Variants in FGGY observed in about 807,000 individuals in gnomAD.
The protein encoded by FGGY is FGGY carbohydrate kinase domain containing, also known as FGGY carbohydrate kinase domain-containing protein.
FGGY carries 72 observed loss-of-function variants against 71.3 expected under a neutral mutation model. The ratio of observed to expected loss-of-function variants is 1.01; its 90% CI spans 0.84 to 1.23. The LOEUF is 1.23. FGGY is among the 50% of genes most tolerant of loss of function. The pLI is 0.00. For missense variants in FGGY, 668 were observed against 682.3 expected (o/e 0.98, Z 0.23); for synonymous variants, 251 against 250.3 (o/e 1.00, Z -0.02).
chr1:59,560,529 G>A (rs2095771125), intron 8 of FGGY, among the ~76,000 whole-genome samples: 1 of 152,170 alleles, frequency 6.6e-6, no homozygotes, highest in Non-Finnish European at 1.5e-5. Context: ...GTAACTGGAT[G>A]TGAGGTATAT....
intron 6 of FGGY, among the ~76,000 whole-genome samples, chr1:59,491,044 T>C (rs113192543): frequency 0.017 from 3 of 178 alleles, no homozygotes; most frequent in African/African-American, 0.033. Flanking sequence ...CTTTCCTTCC[T>C]TCCTTCCTTC....
At chr1:59,631,567 A>C (rs2096908868) in intron 10 of FGGY, among the ~76,000 whole-genome samples, 1 of 152,204 alleles carries the variant, frequency 6.6e-6, no homozygotes, top group Admixed American at 6.5e-5. Flanking sequence ...AGAGTGGACA[A>C]ATCCTTCTGA....
chr1:59,441,937 C>T (rs2070009622), intron 5 of FGGY, among the ~76,000 whole-genome samples: 2 of 152,306 alleles, frequency 1.3e-5, no homozygotes, highest in South Asian at 4.1e-4. Flanking sequence ...CCTTTGTCCA[C>T]CTGGTGAACT....
intron 4 of FGGY, among the ~76,000 whole-genome samples, chr1:59,355,054 G>A (rs961429493): frequency 6.6e-6 from 1 of 152,226 alleles, no homozygotes; most frequent in South Asian, 2.1e-4. Context: ...GCAGCCTTGA[G>A]GCCAGGGGCA....
intron 6 of FGGY, among the ~76,000 whole-genome samples, chr1:59,481,070 G>C (rs1283055090): frequency 9.6e-6 from 1 of 104,178 alleles, no homozygotes; most frequent in African/African-American, 4.3e-5. Flanking sequence ...CAATTTATAA[G>C]TAATAGCTAT....
rs2096796905 is a variant in FGGY, at chr1:59,620,492, G to A, written c.1012-5496G>A. ...ATTTTATGATCTCTGAATTTTACTT[G>A]GGTTGTTTAGATACTTTATATAAAG... On this transcript the variant is annotated intron_variant, in intron 9 of 15. Transcript: ENST00000303721. Among the ~76,000 whole-genome samples, 3 of 151,848 alleles carry A rather than the reference G, an allele frequency of 2.0e-5. No homozygotes were observed. In the South Asian group the frequency reaches 6.2e-4, roughly 32 times the overall value.
intron 4 of FGGY, 120 bp downstream of exon 4, chr1:59,346,518 G>A (rs915430132): frequency 4.4e-6 from 5 of 1,149,246 alleles, no homozygotes; most frequent in Non-Finnish European, 6.1e-6. Flanking sequence ...CCAGCAACTA[G>A]GAGGAAGGTT....
chr1:59,380,768 T>A (rs1336165725), intron 5 of FGGY, among the ~76,000 whole-genome samples: 2 of 151,650 alleles, frequency 1.3e-5, no homozygotes, highest in African/African-American at 4.9e-5. Flanking sequence ...TGGTAGTTTC[T>A]TTTGCTGTCC....
At chr1:59,427,065 C>T (rs1367194581) in intron 5 of FGGY, among the ~76,000 whole-genome samples, 1 of 152,230 alleles carries the variant, frequency 6.6e-6, no homozygotes. Flanking sequence ...ACCTCACCCA[C>T]CTCTTGCTAT....
intron 7 of FGGY, among the ~76,000 whole-genome samples, chr1:59,533,657 G>C (rs1477333737): frequency 2.6e-4 from 40 of 152,208 alleles, no homozygotes; most frequent in Admixed American, 2.6e-3. Flanking sequence ...CCTGAGAACG[G>C]GCAGACTGCC....
intron 14 of FGGY, among the ~76,000 whole-genome samples, chr1:59,751,605 A>G (rs891977620): frequency 3.3e-5 from 5 of 152,222 alleles, no homozygotes; most frequent in African/African-American, 1.2e-4. Context: ...TGTGTTTTTA[A>G]TAATTTTAAA....
chr1:59,312,059 A>C (rs1172153377), intron 1 of FGGY, among the ~76,000 whole-genome samples: 1 of 152,218 alleles, frequency 6.6e-6, no homozygotes, highest in Non-Finnish European at 1.5e-5. Flanking sequence ...TCTTTTGAGA[A>C]GTGTCTGCTT....
intron 15 of FGGY, among the ~76,000 whole-genome samples, chr1:59,761,327 G>C (rs571946249): frequency 1.3e-5 from 2 of 152,144 alleles, no homozygotes; most frequent in Non-Finnish European, 2.9e-5. Flanking sequence ...ATATTGGGTA[G>C]GGGACTCCTA....
intron 14 of FGGY, among the ~76,000 whole-genome samples, chr1:59,732,191 G>A (rs189977509): frequency 2.7e-4 from 41 of 152,284 alleles, no homozygotes; most frequent in Admixed American, 2.0e-4. Flanking sequence ...AAGAGGCAGA[G>A]CTGTCCCATT....
intron 5 of FGGY, among the ~76,000 whole-genome samples, chr1:59,411,904 C>T (rs1191537416): frequency 6.6e-6 from 1 of 152,196 alleles, no homozygotes; most frequent in Non-Finnish European, 1.5e-5. Flanking sequence ...AGAGAAGCCT[C>T]CTCTTGCTGT....
At chr1:59,373,765 T>C (rs2058146602) in intron 4 of FGGY, among the ~76,000 whole-genome samples, 1 of 152,070 alleles carries the variant, frequency 6.6e-6, no homozygotes, top group Admixed American at 6.6e-5. Context: ...TATCTACAAC[T>C]ATCTGATCTT....
intron 6 of FGGY, among the ~76,000 whole-genome samples, chr1:59,471,629 G>A (rs1429127518): frequency 2.6e-5 from 4 of 152,046 alleles, no homozygotes; most frequent in Non-Finnish European, 2.9e-5. Context: ...ATGACTTGGA[G>A]GTCTCCATGC....
intron 14 of FGGY, among the ~76,000 whole-genome samples, chr1:59,747,023 C>T (rs1382226196): frequency 1.3e-5 from 2 of 152,094 alleles, no homozygotes; most frequent in Admixed American, 6.6e-5. Flanking sequence ...ATATCAGTTG[C>T]CATTATAATT....
chr1:59,628,016 A>G (rs533096408), intron 10 of FGGY, among the ~76,000 whole-genome samples: 2 of 152,360 alleles, frequency 1.3e-5, no homozygotes, highest in South Asian at 4.1e-4. Context: ...GGTAAACACT[A>G]CAGAGATAAA....
Sources: gnomAD v4.1 joint callset for allele counts (sites outside exome capture counted in the v4.1 genomes callset) on GRCh38, gnomAD v4.1.1 for gene constraint, MANE v1.5 for transcripts, NCBI Gene and HGNC (gene_info 2026-07-23, HGNC 2026-07-21) for gene names.